Variants in TNFRSF19 observed in about 807,000 individuals in gnomAD.
TNFRSF19 encodes TNF receptor superfamily member 19.
TNFRSF19 carries 27 observed loss-of-function variants against 46.4 expected under a neutral mutation model. That is an observed-to-expected ratio of 0.58 (90% CI 0.43 to 0.80). The LOEUF is 0.80. Ranked by LOEUF, TNFRSF19 falls within the 30% of genes least tolerant of loss-of-function variation. The pLI is 0.00. For missense variants in TNFRSF19, 511 were observed against 530.8 expected (o/e 0.96, Z 0.37); for synonymous variants, 204 against 205.0 (o/e 1.00, Z 0.04).
intron 9 of TNFRSF19, chr13:23,669,642 G>A: frequency 1.0e-6 from 1 of 985,286 alleles, no homozygotes; most frequent in Non-Finnish European, 1.2e-6. Flanking sequence ...CTGAGACCAG[G>A]TCATAAGACC....
intron 4 of TNFRSF19, among the ~76,000 whole-genome samples, chr13:23,625,643 A>G (rs529558180): frequency 9.2e-5 from 14 of 152,280 alleles, no homozygotes; most frequent in Admixed American, 2.6e-4. Flanking sequence ...TCTTACACAT[A>G]CATCTTTACC....
At chr13:23,599,786 C>A (rs902057184) in intron 3 of TNFRSF19, among the ~76,000 whole-genome samples, 4 of 152,050 alleles carry the variant, frequency 2.6e-5, no homozygotes, top group Admixed American at 2.0e-4. Context: ...TCTGTTCCAT[C>A]AGTAATTCCG....
intron 5 of TNFRSF19, among the ~76,000 whole-genome samples, chr13:23,651,212 C>A (rs985126049): frequency 9.9e-5 from 15 of 152,160 alleles, no homozygotes; most frequent in African/African-American, 3.6e-4. Context: ...GGTACTGGTG[C>A]TGGTAGAAGA....
chr13:23,630,283 A>G (rs1389029507), intron 5 of TNFRSF19, among the ~76,000 whole-genome samples: 2 of 149,206 alleles, frequency 1.3e-5, no homozygotes, highest in South Asian at 2.2e-4. Context: ...AGCCTGAACA[A>G]CAGAGTAAGA....
At chr13:23,586,837 C>T (rs1003769053) in intron 1 of TNFRSF19, among the ~76,000 whole-genome samples, 6 of 152,038 alleles carry the variant, frequency 3.9e-5, no homozygotes, top group African/African-American at 7.3e-5. Context: ...TGCCAAGCTG[C>T]GTATTGTTGT....
At position 23,590,337 on chromosome 13, in the gene TNFRSF19, A is replaced by G. The variant is rs545948737; in HGVS notation, c.69+85A>G. On this transcript the variant is annotated intron_variant, in intron 2 of 9. Transcript: ENST00000248484. ...GTAGTAGGAGTACCAAAATCATTTTATTTTTTATTTTTTTTGAGACAGAGT... is the reference window on the plus strand; with the variant it reads ...GTAGTAGGAGTACCAAAATCATTTTGTTTTTTATTTTTTTTGAGACAGAGT... The G allele has an allele frequency of 8.5e-6, 7 of 826,114 alleles. No individual in the cohort carries two copies. The South Asian group carries it at 9.4e-5, about 11-fold the overall frequency. The allele number at this position is 826,114 out of a possible 1,614,324, so 51.2% of individuals were successfully genotyped here.
intron 5 of TNFRSF19, among the ~76,000 whole-genome samples, chr13:23,655,304 G>A (rs1185568076): frequency 2.0e-5 from 3 of 152,082 alleles, no homozygotes; most frequent in Admixed American, 1.3e-4. Flanking sequence ...ATGTAATGTA[G>A]GTAAAATTTA....
In TNFRSF19 at chr13:23,621,907, C is replaced by T. The variant is rs571350748; in HGVS notation, c.360-4800C>T. On this transcript the variant is annotated intron_variant, in intron 4 of 9. Coordinates refer to ENST00000248484, the MANE Select transcript of TNFRSF19 (RefSeq NM_148957.4). The stretch of plus-strand genomic sequence containing the variant: ...AGAGGCTGAGGCAGAGCCAAGATCG[C>T]ACCACTGCACTCCAGCCTGGGTGAC... Among the ~76,000 whole-genome samples the T allele has an allele frequency of 1.3e-4, 20 of 152,036 alleles. No homozygotes were observed. In the South Asian group the frequency reaches 4.2e-3, roughly 32 times the overall value.
chr13:23,659,156 C>T lies in TNFRSF19; in HGVS notation c.552C>T (p.Ala184=). 1 of 1,614,154 alleles carries T rather than the reference C, an allele frequency of 6.2e-7. No homozygotes were observed. Among genetic ancestry groups the T allele is most frequent in the African/African-American group, 1.3e-5 (1 of 75,046 alleles). ...GCGCTCTGGCCACCGTCCTGCTGGC[C>T]CTGCTCATCCTCTGTGTCATCTATT... The part of the protein sequence containing the change: ...ICSALATVLL[A]LLILCVIYCK... Residue 184 remains alanine (A), a synonymous_variant, in exon 6 of 10, where the codon GCC becomes GCT. Transcript: ENST00000248484. This position sits in a 1 kb window ranked among gnomAD's most constrained non-coding sequence, Gnocchi z 4.9.
chr13:23,621,700 T>C (rs1038167844), intron 4 of TNFRSF19, among the ~76,000 whole-genome samples: 4 of 152,012 alleles, frequency 2.6e-5, no homozygotes, highest in African/African-American at 7.3e-5. Context: ...TTCCTCTTCA[T>C]TGGGAGGCTG....
chr13:23,652,241 T>C (rs372092964), intron 5 of TNFRSF19, among the ~76,000 whole-genome samples: 2 of 152,180 alleles, frequency 1.3e-5, no homozygotes, highest in East Asian at 3.8e-4. Flanking sequence ...TAAGTAAAAA[T>C]GTCAGATTAA....
chr13:23,667,574 A>C (rs954124774), intron 7 of TNFRSF19, among the ~76,000 whole-genome samples: 2 of 152,206 alleles, frequency 1.3e-5, no homozygotes, highest in Non-Finnish European at 2.9e-5. Context: ...TACACATAAG[A>C]TAAAATTCAC....
chr13:23,627,074 A>T (rs2138293173), intron 5 of TNFRSF19, among the ~76,000 whole-genome samples: 2 of 152,222 alleles, frequency 1.3e-5, no homozygotes, highest in Middle Eastern at 6.8e-3. Context: ...TGGGTCTGTA[A>T]TTCAGGCCAC....
chr13:23,572,341 T>A (rs925036001), intron 1 of TNFRSF19, among the ~76,000 whole-genome samples: 6 of 152,190 alleles, frequency 3.9e-5, no homozygotes, highest in African/African-American at 7.2e-5. Context: ...GATTTTTTTT[T>A]AATTTGTTTG....
At chr13:23,603,062 A>T (rs1880275426) in intron 3 of TNFRSF19, among the ~76,000 whole-genome samples, 1 of 152,034 alleles carries the variant, frequency 6.6e-6, no homozygotes, top group South Asian at 2.1e-4. Flanking sequence ...CCAAAAGGTG[A>T]TTCTTTGAAA....
chr13:23,651,893 T>TAAAAAAAAAAAAAA (rs34023907), intron 5 of TNFRSF19, among the ~76,000 whole-genome samples: 1 of 9,964 alleles, frequency 1.0e-4, no homozygotes, highest in Non-Finnish European at 1.8e-4. Flanking sequence ...CATAACATGC[T>TAAAAAAAAAAAAAA]AAAAAAAAAA....
intron 7 of TNFRSF19, among the ~76,000 whole-genome samples, chr13:23,667,209 G>A (rs990216325): frequency 1.3e-5 from 2 of 151,502 alleles, no homozygotes; most frequent in African/African-American, 2.4e-5. Context: ...TCAGCTTATA[G>A]GATTGAGAAG....
At chr13:23,664,621 C>A (rs1194348599) in intron 7 of TNFRSF19, among the ~76,000 whole-genome samples, 1 of 152,216 alleles carries the variant, frequency 6.6e-6, no homozygotes, top group Non-Finnish European at 1.5e-5. Context: ...TCACCATATT[C>A]TATTAGATTG....
chr13:23,617,112 A>C lies in TNFRSF19; in HGVS notation c.359+1067A>C, dbSNP rs546563803. Among the ~76,000 whole-genome samples, 8 of 152,172 alleles carry C rather than the reference A, an allele frequency of 5.3e-5. No individual in the cohort carries two copies. In the South Asian group the frequency reaches 1.7e-3, roughly 32 times the overall value. ...AAGGAGACGAGGCACGGAGCCAAGC[A>C]GAGAGGTGGGGAAGAGCACCGCAGA... On this transcript the variant is annotated intron_variant, in intron 4 of 9. Transcript: ENST00000248484.
Sources: allele counts gnomAD v4.1 joint callset (sites outside exome capture counted in the v4.1 genomes callset), GRCh38; gene constraint gnomAD v4.1.1; non-coding constraint Gnocchi (gnomAD v3.1); transcripts MANE v1.5; gene names NCBI Gene and HGNC (gene_info 2026-07-23, HGNC 2026-07-21).